Variants in APELA observed in about 807,000 individuals in gnomAD.
APELA encodes apelin receptor early endogenous ligand.
At chr4:164,878,779 T>G in intron 1 of APELA, 141 bp from the exon 2 acceptor site, 1 of 395,662 alleles carries the variant, frequency 2.5e-6, no homozygotes, top group Non-Finnish European at 4.5e-6. Flanking sequence ...ATCACATTGG[T>G]TTTTAATTTT....
intron 2 of APELA, among the ~76,000 whole-genome samples, chr4:164,885,989 A>G (rs1730763460): frequency 6.6e-6 from 1 of 152,146 alleles, no homozygotes. Context: ...CCTCATGACG[A>G]CCACCCTAAT....
At chr4:164,898,804 A>G (rs1731023632), downstream of APELA, 1 of 152,224 alleles carries the variant, frequency 6.6e-6, no homozygotes, top group South Asian at 2.1e-4. Context: ...TAGTGAAGTC[A>G]GTGAAGTCTT....
chr4:164,896,221 T>A lies in APELA; in HGVS notation c.*807T>A, dbSNP rs1405079165. ...TGATTCTCGTGCCTCAACCTCCCAA[T>A]TATAGGCTGGGATTACAGGTGTGCA... is the stretch of plus-strand genomic sequence containing the variant. On this transcript the variant is annotated 3_prime_UTR_variant, in exon 3 of 3. Transcript: ENST00000507152. 6.6e-6 allele frequency: 1 copy of A among 152,090 alleles called. No individual in the cohort carries two copies. The highest frequency in any genetic ancestry group is 2.4e-5 in the African/African-American group (1 of 41,408). The allele number at this position is 152,090 out of a possible 1,614,324, so 9.4% of individuals were successfully genotyped here.
chr4:164,889,061 T>A (rs1011564743), intron 2 of APELA, among the ~76,000 whole-genome samples: 3 of 151,996 alleles, frequency 2.0e-5, no homozygotes, highest in African/African-American at 7.2e-5. Flanking sequence ...TGGAGTGCAA[T>A]GACGTGATCT....
intron 1 of APELA, among the ~76,000 whole-genome samples, 158 bp downstream of exon 1, chr4:164,877,565 C>T (rs1420872505): frequency 6.6e-6 from 1 of 152,060 alleles, no homozygotes; most frequent in Non-Finnish European, 1.5e-5. Context: ...GCTATCTATC[C>T]TGTTGGGTCT....
chr4:164,897,537 G>C (rs1023440688), downstream of APELA: 6 of 152,182 alleles, frequency 3.9e-5, no homozygotes, highest in Non-Finnish European at 8.8e-5. Flanking sequence ...ATGTCTGGCT[G>C]TCCTTACTTT....
At chr4:164,882,684 G>A (rs1167708468) in intron 2 of APELA, among the ~76,000 whole-genome samples, 4 of 152,052 alleles carry the variant, frequency 2.6e-5, no homozygotes, top group African/African-American at 9.7e-5. Context: ...CTATGTTAGT[G>A]TGCTGCACCC....
At chr4:164,877,687 T>C (rs566026919) in intron 1 of APELA, among the ~76,000 whole-genome samples, 1 of 152,342 alleles carries the variant, frequency 6.6e-6, no homozygotes, top group South Asian at 2.1e-4. Context: ...TTATGTTGTC[T>C]TTACAAGTAA....
intron 2 of APELA, among the ~76,000 whole-genome samples, chr4:164,882,117 T>C (rs995214934): frequency 2.6e-5 from 4 of 152,176 alleles, no homozygotes; most frequent in African/African-American, 9.7e-5. Context: ...ATTTTTATTT[T>C]TTGAGACAGA....
At chr4:164,892,099 C>T (rs1353727368) in intron 2 of APELA, among the ~76,000 whole-genome samples, 1 of 151,980 alleles carries the variant, frequency 6.6e-6, no homozygotes, top group Non-Finnish European at 1.5e-5. Flanking sequence ...TTGCTTGAGT[C>T]AGGGAGTTTG....
At position 164,897,463 on chromosome 4, in the gene APELA, T is replaced by C. The variant is rs1730999063; in HGVS notation, c.*2049T>C. On this transcript the variant is annotated 3_prime_UTR_variant, in exon 3 of 3. Transcript: ENST00000507152. ...AGAAAAAGTTACAAATCAGTTTTAC[T>C]ATTGTAAAGTAATGAAATGGTTATA... The C allele has an allele frequency of 6.6e-6, 1 of 152,272 alleles. No homozygotes were observed. The highest frequency in any genetic ancestry group is 2.4e-5 in the African/African-American group (1 of 41,474). 9.4% of individuals were successfully genotyped at this position (152,272 alleles called of 1,614,324 possible). A position where few individuals can be genotyped will look rare whatever the true frequency, so the allele number is the denominator to read the frequency against.
At chr4:164,882,967 T>G (rs1194165753) in intron 2 of APELA, among the ~76,000 whole-genome samples, 8 of 152,172 alleles carry the variant, frequency 5.3e-5, no homozygotes, top group Non-Finnish European at 1.2e-4. Flanking sequence ...GTTAATACAT[T>G]ATTTTTAATT....
chr4:164,881,232 C>T (rs1437567518), intron 2 of APELA, among the ~76,000 whole-genome samples: 3 of 152,132 alleles, frequency 2.0e-5, no homozygotes, highest in Admixed American at 2.0e-4. Flanking sequence ...GCAAAACACC[C>T]CTTTCACTTC....
chr4:164,898,561 A>G (rs913787449), downstream of APELA, among the ~76,000 whole-genome samples: 12 of 152,094 alleles, frequency 7.9e-5, no homozygotes, highest in African/African-American at 2.9e-4. Flanking sequence ...CACAAAGGAA[A>G]AGACTTTACA....
At chr4:164,890,290 A>G (rs951719303) in intron 2 of APELA, among the ~76,000 whole-genome samples, 1 of 152,152 alleles carries the variant, frequency 6.6e-6, no homozygotes, top group Non-Finnish European at 1.5e-5. Flanking sequence ...AAGGTGTACA[A>G]TTTAATGGCT....
At chr4:164,892,255 A>G (rs1187804047) in intron 2 of APELA, among the ~76,000 whole-genome samples, 1 of 152,172 alleles carries the variant, frequency 6.6e-6, no homozygotes, top group Non-Finnish European at 1.5e-5. Flanking sequence ...CAAGGAAGTC[A>G]AGGCTGAGTG....
At chr4:164,893,931 G>T (rs1334965836) in intron 2 of APELA, among the ~76,000 whole-genome samples, 5 of 149,708 alleles carry the variant, frequency 3.3e-5, no homozygotes, top group African/African-American at 9.8e-5. Flanking sequence ...TGCATTAAAT[G>T]AATATTTTCT....
chr4:164,898,866 G>A (rs976559074), downstream of APELA: 2 of 152,138 alleles, frequency 1.3e-5, no homozygotes, highest in Admixed American at 1.3e-4. Flanking sequence ...GGTCTAGAAC[G>A]AGTGAGCACA....
At chr4:164,881,217 C>G (rs1385672756) in intron 2 of APELA, among the ~76,000 whole-genome samples, 3 of 152,166 alleles carry the variant, frequency 2.0e-5, no homozygotes, top group African/African-American at 7.2e-5. Context: ...GTAGTGGACT[C>G]TAAGGCAAAA....
Sources: allele counts gnomAD v4.1 joint callset (sites outside exome capture counted in the v4.1 genomes callset), GRCh38; gene constraint gnomAD v4.1.1; transcripts MANE v1.5; gene names NCBI Gene and HGNC (gene_info 2026-07-23, HGNC 2026-07-21).